Variants in EXPH5 observed in about 807,000 individuals in gnomAD.
EXPH5 encodes the protein exophilin-5.
Under a neutral mutation model 41.1 loss-of-function variants are expected in EXPH5, and 42 were observed. That is an observed-to-expected ratio of 1.02 (90% CI 0.80 to 1.32). The LOEUF (loss-of-function observed/expected upper bound fraction) is 1.32, where lower values mean the gene tolerates loss of function less well. Ranked by LOEUF, EXPH5 falls within the 40% of genes most tolerant of loss-of-function variation. The pLI, the probability that EXPH5 is intolerant of heterozygous loss-of-function variation, is 0.00. For missense variants in EXPH5, 2,298 were observed against 2,314.5 expected (o/e 0.99, Z 0.15); for synonymous variants, 798 against 833.5 (o/e 0.96, Z 0.73).
At chr11:108,596,432 T>A (rs116808950), upstream of EXPH5, among the ~76,000 whole-genome samples, 3 of 152,160 alleles carry the variant, frequency 2.0e-5, no homozygotes, top group African/African-American at 7.2e-5. Flanking sequence ...GCAAAGATGA[T>A]GCAAGATCTC....
chr11:108,551,672 C>T (rs1002825549), intron 1 of EXPH5, among the ~76,000 whole-genome samples: 3 of 152,130 alleles, frequency 2.0e-5, no homozygotes, highest in Non-Finnish European at 2.9e-5. Context: ...GTCAACCCTC[C>T]ACTCCTTAAG....
chr11:108,600,797 T>C, the EXPH5 span, among the ~76,000 whole-genome samples: 1 of 152,248 alleles, frequency 6.6e-6, no homozygotes, highest in African/African-American at 2.4e-5. Flanking sequence ...CATCCCTTTT[T>C]CCACCACACA....
At chr11:108,563,093 G>A (rs1236856242) in intron 1 of EXPH5, among the ~76,000 whole-genome samples, 1 of 152,202 alleles carries the variant, frequency 6.6e-6, no homozygotes, top group East Asian at 1.9e-4. Context: ...TGACTTGGAA[G>A]AGTGAAGACA....
chr11:108,543,935 C>T (rs7945405), intron 1 of EXPH5, among the ~76,000 whole-genome samples: 3,609 of 152,180 alleles, frequency 0.024, 146 homozygotes, highest in African/African-American at 0.081. Context: ...TGCTTCTAAC[C>T]AATATTGGCT....
chr11:108,591,108 T>C (rs1377740701), intron 1 of EXPH5, among the ~76,000 whole-genome samples: 1 of 152,234 alleles, frequency 6.6e-6, no homozygotes, highest in East Asian at 1.9e-4. Context: ...GTCTTGAAGC[T>C]CTTTCTCAAT....
At chr11:108,581,040 C>T (rs1176493993) in intron 1 of EXPH5, among the ~76,000 whole-genome samples, 1 of 152,158 alleles carries the variant, frequency 6.6e-6, no homozygotes, top group African/African-American at 2.4e-5. Flanking sequence ...GGCATGGTGG[C>T]TCATGCCTGT....
chr11:108,570,390 G>A (rs2094054826), intron 1 of EXPH5, among the ~76,000 whole-genome samples: 2 of 152,040 alleles, frequency 1.3e-5, no homozygotes, highest in South Asian at 4.2e-4. Flanking sequence ...GAGTAGCTGG[G>A]ATCACAGGCA....
intron 5 of EXPH5, among the ~76,000 whole-genome samples, chr11:108,515,854 C>T (rs1242653157): frequency 4.6e-5 from 7 of 151,974 alleles, no homozygotes; most frequent in Admixed American, 3.9e-4. Flanking sequence ...GGGCGGATCA[C>T]GAGGTCAGGA....
chr11:108,545,019 T>A (rs1248860638), intron 1 of EXPH5, among the ~76,000 whole-genome samples: 1 of 152,230 alleles, frequency 6.6e-6, no homozygotes, highest in Non-Finnish European at 1.5e-5. Context: ...CCATTATTTT[T>A]TTTTTGGAGA....
In EXPH5 at chr11:108,507,843, GA is replaced by G. The variant is rs1352533467; in HGVS notation, c.*1693del. ...GGGACTAAAATGCCCCACCTGAAAA[GA>G]AGCGTTCTACCTTGCAATTAAAGAA... is the stretch of plus-strand genomic sequence containing the variant. On this transcript the variant is annotated 3_prime_UTR_variant, in exon 6 of 6. Coordinates refer to ENST00000265843, the MANE Select transcript of EXPH5 (RefSeq NM_015065.3). The G allele has an allele frequency of 6.6e-6, 1 of 151,794 alleles. No homozygotes were observed. The highest frequency in any genetic ancestry group is 1.5e-5 in the Non-Finnish European group (1 of 67,972). The allele number at this position is 151,794 out of a possible 1,614,324, so 9.4% of individuals were successfully genotyped here.
At chr11:108,563,543 G>T (rs1190833286) in intron 1 of EXPH5, among the ~76,000 whole-genome samples, 3 of 152,142 alleles carry the variant, frequency 2.0e-5, no homozygotes, top group African/African-American at 7.2e-5. Flanking sequence ...ACAGTGCCGG[G>T]CCACGGGCCA....
chr11:108,520,850 T>G (rs1448589774), intron 4 of EXPH5, among the ~76,000 whole-genome samples: 1 of 152,256 alleles, frequency 6.6e-6, no homozygotes, highest in Non-Finnish European at 1.5e-5. Flanking sequence ...ATTACAGGCA[T>G]GAGCCACCTC....
intron 4 of EXPH5, among the ~76,000 whole-genome samples, chr11:108,522,138 T>C (rs1467215412): frequency 2.0e-5 from 3 of 151,852 alleles, no homozygotes; most frequent in Admixed American, 6.6e-5. Context: ...CAAGAGAAAA[T>C]ACCGAGGTTT....
At chr11:108,559,421 C>T (rs1406595701) in intron 1 of EXPH5, among the ~76,000 whole-genome samples, 1 of 152,144 alleles carries the variant, frequency 6.6e-6, no homozygotes, top group Non-Finnish European at 1.5e-5. Context: ...GACATAAATG[C>T]CTCTTGCAAG....
chr11:108,594,346 G>A (rs866801720), upstream of EXPH5, among the ~76,000 whole-genome samples: 23 of 152,298 alleles, frequency 1.5e-4, no homozygotes, highest in African/African-American at 4.6e-4. Flanking sequence ...TGGTATTTTA[G>A]GAGAAGACAG....
chr11:108,518,483 C>A (rs1474833599), intron 4 of EXPH5, 110 bp from the exon 5 acceptor site: 2 of 928,336 alleles, frequency 2.2e-6, no homozygotes, highest in Non-Finnish European at 3.1e-6. Context: ...CTAAGGACTG[C>A]AAATCCATTT....
At chr11:108,580,117 C>G (rs1029818525) in intron 1 of EXPH5, among the ~76,000 whole-genome samples, 1 of 152,094 alleles carries the variant, frequency 6.6e-6, no homozygotes, top group Non-Finnish European at 1.5e-5. Context: ...AAAAGATAAC[C>G]TGCAGAGTGG....
intron 1 of EXPH5, among the ~76,000 whole-genome samples, chr11:108,573,689 T>A (rs1346423299): frequency 6.6e-6 from 1 of 152,132 alleles, no homozygotes; most frequent in Non-Finnish European, 1.5e-5. Context: ...ATTTATATAA[T>A]CCTAACTTAT....
In EXPH5 at chr11:108,510,120, C is replaced by G; in HGVS notation, c.5387G>C (p.Ser1796Thr). Residue 1796 changes from serine to threonine, a missense_variant, in exon 6 of 6, where the codon AGT becomes ACT. Physicochemically the swap from Ser to Thr is moderately conservative, Grantham distance 58. Coordinates refer to ENST00000265843, the MANE Select transcript of EXPH5 (RefSeq NM_015065.3). ...GCCATGAACATTAATGCTTTTTAAA[C>G]TCTTTGAACGATAGAGGTGTGGCTC... The part of the protein sequence containing the change: ...EPEPHLYRSK[S>T]LKSINVHGDL... 1 of 1,613,728 alleles carries G rather than the reference C, an allele frequency of 6.2e-7. No individual in the cohort carries two copies. The highest frequency in any genetic ancestry group is 1.1e-5 in the South Asian group (1 of 91,012).
Sources: gnomAD v4.1 joint callset for allele counts (sites outside exome capture counted in the v4.1 genomes callset) on GRCh38, gnomAD v4.1.1 for gene constraint, MANE v1.5 for transcripts, NCBI Gene and HGNC (gene_info 2026-07-23, HGNC 2026-07-21) for gene names.